ANO4: variants seen among roughly 807,000 people sequenced by gnomAD.
ANO4 encodes the protein anoctamin 4.
A neutral mutation model predicts 141.9 loss-of-function variants in ANO4; 69 were observed. That is an observed-to-expected ratio of 0.49 (90% CI 0.40 to 0.59). The LOEUF (loss-of-function observed/expected upper bound fraction) is 0.59, where lower values mean the gene tolerates loss of function less well. Ranked by LOEUF, ANO4 falls within the 20% of genes least tolerant of loss-of-function variation. The pLI, the probability that ANO4 is intolerant of heterozygous loss-of-function variation, is 0.00. For synonymous variants in ANO4, 350 were observed against 394.3 expected (o/e 0.89, Z 1.33); for missense variants, 894 against 1,162.2 (o/e 0.77, Z 3.36).
At chr12:100,808,387 C>G (rs540320332) in intron 1 of ANO4, among the ~76,000 whole-genome samples, 24 of 152,228 alleles carry the variant, frequency 1.6e-4, no homozygotes, top group African/African-American at 5.8e-4. Flanking sequence ...CCTTTGCCCA[C>G]TTTTTAATGG....
intron 3 of ANO4, among the ~76,000 whole-genome samples, chr12:100,746,180 A>AT (rs1216901969): frequency 5.9e-5 from 9 of 152,310 alleles, no homozygotes; most frequent in African/African-American, 1.9e-4. Flanking sequence ...TTGGCTGGGC[A>AT]TGGTGGCTCA....
chr12:101,022,494 C>A (rs1302918246), intron 9 of ANO4, among the ~76,000 whole-genome samples: 48 of 152,202 alleles, frequency 3.2e-4, no homozygotes, highest in Non-Finnish European at 1.5e-4. Context: ...TAAATGTTAC[C>A]TTAGTTACTT....
At chr12:101,040,215 A>G in intron 11 of ANO4, 139 bp downstream of exon 11, 1 of 1,098,056 alleles carries the variant, frequency 9.1e-7, no homozygotes, top group Non-Finnish European at 1.2e-6. Flanking sequence ...TCACAAGAGG[A>G]AACTCATCTG....
chr12:100,935,219 G>T (rs143879447), intron 3 of ANO4, among the ~76,000 whole-genome samples: 5,159 of 152,172 alleles, frequency 0.034, 234 homozygotes, highest in African/African-American at 0.11. Flanking sequence ...TATGATATTG[G>T]CTGTGGGTTT....
At chr12:101,007,432 A>G (rs1198969137) in intron 8 of ANO4, among the ~76,000 whole-genome samples, 1 of 152,230 alleles carries the variant, frequency 6.6e-6, no homozygotes, top group Non-Finnish European at 1.5e-5. Flanking sequence ...CATCATGTGT[A>G]TGTAACCACA....
rs774166195 is a variant in ANO4, at chr12:101,040,157, A to C, written c.1019+81A>C. The C allele has an allele frequency of 4.7e-6, 7 of 1,485,556 alleles. No homozygotes were observed. In the Admixed American group the frequency reaches 6.3e-5, roughly 13 times the overall value. 92.0% of individuals were successfully genotyped at this position (1,485,556 alleles called of 1,614,324 possible). The stretch of plus-strand genomic sequence containing the variant: ...TGTCAGCTGGGACAAGCTCCCAATG[A>C]AGCAAAAAGAGCCTGAAGTGTACAG... On this transcript the variant is annotated intron_variant, in intron 11 of 27. Coordinates refer to ENST00000392977, the MANE Select transcript of ANO4 (RefSeq NM_001286615.2).
chr12:100,988,165 G>C (rs2044808800), intron 8 of ANO4, among the ~76,000 whole-genome samples: 1 of 152,176 alleles, frequency 6.6e-6, no homozygotes, highest in African/African-American at 2.4e-5. Flanking sequence ...TCACCTGGCA[G>C]CCCACTTGCT....
intron 7 of ANO4, among the ~76,000 whole-genome samples, chr12:100,983,400 G>A (rs1373128177): frequency 3.3e-5 from 5 of 152,198 alleles, no homozygotes; most frequent in Admixed American, 6.5e-5. Flanking sequence ...GTAAGTCAGA[G>A]GTCCAGGAAG....
intron 8 of ANO4, among the ~76,000 whole-genome samples, chr12:100,991,919 T>C (rs2045132769): frequency 6.6e-6 from 1 of 152,190 alleles, no homozygotes. Flanking sequence ...TTTTCAAATG[T>C]AGACTACCTC....
chr12:100,838,486 G>T (rs1348796737), intron 1 of ANO4, among the ~76,000 whole-genome samples: 2 of 152,108 alleles, frequency 1.3e-5, no homozygotes, highest in Admixed American at 1.3e-4. Flanking sequence ...AGTCCACAGG[G>T]CCTGGAAAAG....
At chr12:100,984,054 G>T (rs1416196416) in intron 7 of ANO4, among the ~76,000 whole-genome samples, 1 of 152,096 alleles carries the variant, frequency 6.6e-6, no homozygotes, top group Non-Finnish European at 1.5e-5. Context: ...GTGAAGGCCA[G>T]TTCACACCCT....
chr12:101,024,107 A>G (rs550686055), intron 9 of ANO4, among the ~76,000 whole-genome samples: 1 of 152,342 alleles, frequency 6.6e-6, no homozygotes, highest in African/African-American at 2.4e-5. Flanking sequence ...GGTGAAACCC[A>G]CTTTCAAAAT....
chr12:100,939,425 G>T lies in ANO4; in HGVS notation c.271G>T (p.Ala91Ser), dbSNP rs1195436115. 4 of 1,613,588 alleles carry T rather than the reference G, an allele frequency of 2.5e-6. No individual in the cohort carries two copies. Among genetic ancestry groups the T allele is most frequent in the South Asian group, 1.1e-5 (1 of 91,054 alleles). ...AAACCTGACTAGTACTTCAGATGAT[G>T]CCAGCAGATTGGAAGCCGGGGGAGA... ...PGNLTSTSDD[A>S]SRLEAGGETV... is the part of the protein sequence containing the mutation. Residue 91 changes from alanine to serine, a missense_variant, in exon 4 of 28, where the codon GCC (alanine) becomes TCC (serine). Transcript: ENST00000392977.
chr12:100,931,987 T>C (rs2042101501), intron 3 of ANO4, among the ~76,000 whole-genome samples: 1 of 141,778 alleles, frequency 7.1e-6, no homozygotes, highest in Non-Finnish European at 1.6e-5. Flanking sequence ...CCCGGAGGTG[T>C]TCTTTTTTTT....
chr12:100,803,279 G>A (rs570405921), intron 1 of ANO4, among the ~76,000 whole-genome samples: 2 of 152,234 alleles, frequency 1.3e-5, no homozygotes, highest in East Asian at 1.9e-4. Context: ...GAGAAGAGAC[G>A]GGAGTGAATT....
chr12:100,779,816 G>T (rs1359202399), intron 3 of ANO4, among the ~76,000 whole-genome samples: 5 of 152,160 alleles, frequency 3.3e-5, no homozygotes, highest in Non-Finnish European at 7.3e-5. Context: ...CATAGTAGGT[G>T]CTTGCCATGT....
chr12:100,780,050 G>A (rs1514799), intron 3 of ANO4, among the ~76,000 whole-genome samples: 7,008 of 151,874 alleles, frequency 0.046, 175 homozygotes, highest in Non-Finnish European at 0.066. Flanking sequence ...TTAAGACAGG[G>A]TATTACCCTG....
rs570148693 is a variant in ANO4, at chr12:101,033,781, A to G, written c.842-3314A>G. Reference sequence around the variant, plus strand: ...AATATCCAGAATTTACAAGCAACTTAAAGAAATTTACAAGAGAAAAAACAA... The same window carrying G: ...AATATCCAGAATTTACAAGCAACTTGAAGAAATTTACAAGAGAAAAAACAA... On this transcript the variant is annotated intron_variant, in intron 9 of 27. Coordinates refer to ENST00000392977, the MANE Select transcript of ANO4 (RefSeq NM_001286615.2). Among the ~76,000 whole-genome samples the G allele has an allele frequency of 6.6e-5, 10 of 152,322 alleles. No individual in the cohort carries two copies. In the East Asian group the frequency reaches 1.9e-3, roughly 29 times the overall value.
At chr12:100,762,104 A>G (rs2032886333) in intron 3 of ANO4, among the ~76,000 whole-genome samples, 1 of 152,168 alleles carries the variant, frequency 6.6e-6, no homozygotes, top group Non-Finnish European at 1.5e-5. Flanking sequence ...CTTAATTGTG[A>G]GCATATCCTG....
Sources: gnomAD v4.1 joint callset for allele counts (sites outside exome capture counted in the v4.1 genomes callset) on GRCh38, gnomAD v4.1.1 for gene constraint, MANE v1.5 for transcripts, NCBI Gene and HGNC (gene_info 2026-07-23, HGNC 2026-07-21) for gene names.